PRKCH: variants seen among roughly 807,000 people sequenced by gnomAD.
PRKCH encodes protein kinase C eta type.
A neutral mutation model predicts 82.5 loss-of-function variants in PRKCH; 28 were observed. The observed-to-expected ratio is 0.34, with a 90% CI of 0.25 to 0.47. The LOEUF (loss-of-function observed/expected upper bound fraction) is 0.47. PRKCH is among the 20% of genes least tolerant of loss of function. The pLI is 1.00. For synonymous variants in PRKCH, 322 were observed against 327.4 expected (o/e 0.98, Z 0.18); for missense variants, 705 against 881.8 (o/e 0.80, Z 2.54).
chr14:61,460,009 T>C (rs959783135), intron 9 of PRKCH, among the ~76,000 whole-genome samples: 5 of 151,422 alleles, frequency 3.3e-5, no homozygotes, highest in African/African-American at 1.2e-4. Flanking sequence ...CACACCTGGC[T>C]AATTTTTGTT....
chr14:61,328,635 T>G (rs2045736894), intron 1 of PRKCH, among the ~76,000 whole-genome samples: 1 of 151,938 alleles, frequency 6.6e-6, no homozygotes. Flanking sequence ...ATGAGAAGAG[T>G]AGCATTTGCG....
intron 1 of PRKCH, among the ~76,000 whole-genome samples, chr14:61,308,109 G>A (rs116913158): frequency 1.3e-5 from 2 of 152,092 alleles, no homozygotes; most frequent in Non-Finnish European, 2.9e-5. Context: ...CAGAGTGTTG[G>A]GATTACAGGC....
intron 1 of PRKCH, among the ~76,000 whole-genome samples, chr14:61,339,482 C>T (rs2045902630): frequency 6.6e-6 from 1 of 151,182 alleles, no homozygotes. Context: ...CACCACCACG[C>T]CCGGCTAATT....
At chr14:61,488,846 T>C (rs970366315) in intron 10 of PRKCH, among the ~76,000 whole-genome samples, 1 of 152,218 alleles carries the variant, frequency 6.6e-6, no homozygotes, top group Non-Finnish European at 1.5e-5. Context: ...CTTGACAAAT[T>C]TTATTTCAAT....
chr14:61,330,398 A>G (rs1198083740), intron 1 of PRKCH, among the ~76,000 whole-genome samples: 1 of 152,356 alleles, frequency 6.6e-6, no homozygotes, highest in East Asian at 1.9e-4. Flanking sequence ...AAATGTTTCC[A>G]TCTTTGGAAA....
chr14:61,481,819 T>G (rs1044998478), intron 9 of PRKCH, among the ~76,000 whole-genome samples: 7 of 152,068 alleles, frequency 4.6e-5, no homozygotes, highest in Non-Finnish European at 1.5e-5. Context: ...TTTTTTAAAT[T>G]GAAAATACCT....
chr14:61,392,532 G>T (rs1164808286), intron 2 of PRKCH, among the ~76,000 whole-genome samples: 1 of 151,992 alleles, frequency 6.6e-6, no homozygotes, highest in Non-Finnish European at 1.5e-5. Context: ...TTGGTCATTT[G>T]TTTGTTTATT....
At chr14:61,264,979 A>C (rs921955277) in intron 1 of PRKCH, among the ~76,000 whole-genome samples, 1 of 152,190 alleles carries the variant, frequency 6.6e-6, no homozygotes, top group African/African-American at 2.4e-5. Flanking sequence ...TAAGATCACT[A>C]GAGCCACCCA....
chr14:61,408,420 TAC>T (rs1261872708), intron 2 of PRKCH, among the ~76,000 whole-genome samples: 1 of 152,168 alleles, frequency 6.6e-6, no homozygotes, highest in Non-Finnish European at 1.5e-5. Flanking sequence ...TGTTAATCCT[TAC>T]AGTCAAAATT....
At chr14:61,523,704 C>T (rs982736859) in intron 10 of PRKCH, among the ~76,000 whole-genome samples, 9 of 152,206 alleles carry the variant, frequency 5.9e-5, no homozygotes, top group African/African-American at 1.9e-4. Context: ...CACAGACTCA[C>T]CACCCCCAAA....
intron 1 of PRKCH, among the ~76,000 whole-genome samples, chr14:61,200,248 A>G (rs1247490807): frequency 6.6e-6 from 1 of 152,196 alleles, no homozygotes; most frequent in Non-Finnish European, 1.5e-5. Context: ...GAAGATTACC[A>G]TAAGAGCTTA....
chr14:61,385,566 T>C (rs994700682), intron 1 of PRKCH, among the ~76,000 whole-genome samples: 1 of 152,176 alleles, frequency 6.6e-6, no homozygotes, highest in Non-Finnish European at 1.5e-5. Flanking sequence ...ACTGTCACTG[T>C]CAAGATCAAC....
chr14:61,462,169 A>G (rs922180201), intron 9 of PRKCH, among the ~76,000 whole-genome samples: 6 of 152,220 alleles, frequency 3.9e-5, no homozygotes, highest in African/African-American at 1.4e-4. Context: ...AGGTGGGGCA[A>G]TCACTTGAGC....
intron 12 of PRKCH, among the ~76,000 whole-genome samples, chr14:61,534,575 T>C (rs965580719): frequency 6.6e-6 from 1 of 152,336 alleles, no homozygotes; most frequent in South Asian, 2.1e-4. Flanking sequence ...TCATGAGTGC[T>C]AAGTTTTGAA....
Position 61,217,449 on chromosome 14 carries a change from C to T in PRKCH, c.-19+29781C>T, listed in dbSNP as rs1414917861. Among the ~76,000 whole-genome samples the T allele has an allele frequency of 3.9e-5, 6 of 152,116 alleles. No homozygotes were observed. In the South Asian group the frequency reaches 6.2e-4, roughly 16 times the overall value. On this transcript the variant is annotated intron_variant, in intron 1 of 3. Transcript: ENST00000555185. ...AATAAGATAAAAAATAAAAGAGAAA[C>T]GAAAAAAGGAACTCATAGTGTAGAG...
chr14:61,477,934 T>G (rs1026150122), intron 9 of PRKCH, among the ~76,000 whole-genome samples: 5 of 152,116 alleles, frequency 3.3e-5, no homozygotes, highest in African/African-American at 1.2e-4. Flanking sequence ...CTTGTGAGTG[T>G]GTGTGTACCT....
chr14:61,257,526 A>G (rs1176331037), intron 1 of PRKCH, among the ~76,000 whole-genome samples: 2 of 151,766 alleles, frequency 1.3e-5, no homozygotes, highest in Non-Finnish European at 2.9e-5. Context: ...TTGTGGAACT[A>G]TTTACAATAA....
intron 1 of PRKCH, among the ~76,000 whole-genome samples, chr14:61,248,504 C>G (rs2044907367): frequency 6.6e-6 from 1 of 152,098 alleles, no homozygotes. Context: ...AGACTTCATA[C>G]CAGCTTACCA....
At chr14:61,529,539 A>G (rs1201615244) in intron 11 of PRKCH, among the ~76,000 whole-genome samples, 1 of 151,966 alleles carries the variant, frequency 6.6e-6, no homozygotes, top group Non-Finnish European at 1.5e-5. Flanking sequence ...GATTAAGAAA[A>G]TGTGGCACAT....
Sources: allele counts gnomAD v4.1 joint callset (sites outside exome capture counted in the v4.1 genomes callset), GRCh38; gene constraint gnomAD v4.1.1; transcripts MANE v1.5; gene names NCBI Gene and HGNC (gene_info 2026-07-23, HGNC 2026-07-21).